The following ZC3H6 variants were observed in gnomAD, a reference collection of about 807,000 sequenced individuals.
ZC3H6 encodes the protein zinc finger CCCH domain-containing protein 6.
Under a neutral mutation model 107.7 loss-of-function variants are expected in ZC3H6, and 40 were observed. That is an observed-to-expected ratio of 0.37 (90% confidence interval 0.29 to 0.48). The LOEUF is 0.48. Ranked by LOEUF, ZC3H6 falls within the 20% of genes least tolerant of loss-of-function variation. The pLI is 0.98. For synonymous variants in ZC3H6, 493 were observed against 487.9 expected (o/e 1.01, Z -0.14); for missense variants, 1,267 against 1,410.4 (o/e 0.90, Z 1.63).
chr2:112,336,298 C>G lies in ZC3H6; in HGVS notation c.*3810C>G, dbSNP rs929190356. The stretch of plus-strand genomic sequence containing the variant: ...GGGTTGGACTGTGTTGAAGGCTGTA[C>G]CTTGGTGGGGGTGGTCTGCAGTCAT... On this transcript the variant is annotated 3_prime_UTR_variant, in exon 12 of 12. Transcript: ENST00000409871. 48 of 152,100 alleles carry G rather than the reference C, an allele frequency of 3.2e-4. No homozygotes were observed. The highest frequency in any genetic ancestry group is 1.1e-3 in the African/African-American group (47 of 41,406). The allele number at this position is 152,100 out of a possible 1,614,324, so 9.4% of individuals were successfully genotyped here.
chr2:112,319,614 C>A (rs1676764108), intron 7 of ZC3H6, among the ~76,000 whole-genome samples: 1 of 151,690 alleles, frequency 6.6e-6, no homozygotes, highest in Non-Finnish European at 1.5e-5. Flanking sequence ...CCACTGCACT[C>A]CAGCCTGAGC....
chr2:112,290,696 A>G (rs1435562928), intron 1 of ZC3H6, among the ~76,000 whole-genome samples: 7 of 151,808 alleles, frequency 4.6e-5, no homozygotes, highest in Admixed American at 1.3e-4. Flanking sequence ...TCTTACATAC[A>G]TATAGTTTTT....
intron 1 of ZC3H6, among the ~76,000 whole-genome samples, chr2:112,299,209 G>A (rs983024550): frequency 3.3e-5 from 5 of 151,598 alleles, no homozygotes; most frequent in Non-Finnish European, 7.4e-5. Context: ...CCCGGGAGGC[G>A]GAGCTTGCAG....
At position 112,284,002 on chromosome 2, in the gene ZC3H6, C is replaced by G. The variant is rs188737354; in HGVS notation, c.32+7976C>G. On this transcript the variant is annotated intron_variant, in intron 1 of 11. Transcript: ENST00000409871. The stretch of plus-strand genomic sequence containing the variant: ...CTAACTTAGATCTGGAAGTTTTTAG[C>G]TGTGGAAAGCAATTCTATTGTGTAC... 9.9e-4 allele frequency among the ~76,000 whole-genome samples: 151 copies of G among 152,316 alleles called. 1 individual carries two copies. Among genetic ancestry groups the G allele is most frequent in the Non-Finnish European group, 1.7e-3 (116 of 68,014 alleles).
At chr2:112,320,987 A>C (rs1324379631) in intron 7 of ZC3H6, among the ~76,000 whole-genome samples, 1 of 152,114 alleles carries the variant, frequency 6.6e-6, no homozygotes, top group Non-Finnish European at 1.5e-5. Flanking sequence ...AATCTAAAAA[A>C]GATTTTGAAT....
chr2:112,306,156 T>G (rs1676473158), intron 3 of ZC3H6, among the ~76,000 whole-genome samples: 1 of 151,274 alleles, frequency 6.6e-6, no homozygotes, highest in Non-Finnish European at 1.5e-5. Context: ...CAAATTTCTA[T>G]ATCTGAAGTC....
intron 7 of ZC3H6, among the ~76,000 whole-genome samples, chr2:112,321,473 G>A (rs1022302409): frequency 3.2e-4 from 49 of 151,772 alleles, no homozygotes; most frequent in Admixed American, 3.0e-3. Flanking sequence ...TTAAAAATAA[G>A]CTGATGTGAT....
intron 1 of ZC3H6, among the ~76,000 whole-genome samples, chr2:112,283,611 T>G (rs1686561726): frequency 6.6e-6 from 1 of 152,226 alleles, no homozygotes; most frequent in African/African-American, 2.4e-5. Flanking sequence ...CATTTGGTAG[T>G]TAGACATATA....
intron 11 of ZC3H6, among the ~76,000 whole-genome samples, chr2:112,329,615 G>A (rs775175434): frequency 1.8e-4 from 27 of 152,174 alleles, no homozygotes; most frequent in Admixed American, 3.3e-4. Flanking sequence ...TGTAAGCACT[G>A]CTTTGTTCAA....
chr2:112,291,524 G>A (rs1231605063), intron 1 of ZC3H6, among the ~76,000 whole-genome samples: 8 of 152,302 alleles, frequency 5.3e-5, no homozygotes, highest in East Asian at 1.9e-4. Flanking sequence ...ATGAGCCACC[G>A]CGCCAGGCCT....
chr2:112,309,929 A>G lies in ZC3H6; in HGVS notation c.381A>G (p.Gln127=). ...GCTACATAACATCAAAGAAGGGTCAACATAACAAAAAATTTAAAAGTAAAG... is the reference window on the plus strand; with the variant it reads ...GCTACATAACATCAAAGAAGGGTCAGCATAACAAAAAATTTAAAAGTAAAG... ...SGSYITSKKG[Q]HNKKFKSKEY... The change falls in exon 4 of 12, where the codon CAA becomes CAG. Residue 127 remains glutamine, a synonymous_variant. Transcript: ENST00000409871. 3.1e-6 allele frequency: 5 copies of G among 1,597,744 alleles called. No individual in the cohort carries two copies. The highest frequency in any genetic ancestry group is 1.1e-5 in the South Asian group (1 of 88,290).
chr2:112,314,905 T>C (rs1676668306), intron 5 of ZC3H6, among the ~76,000 whole-genome samples: 1 of 152,214 alleles, frequency 6.6e-6, no homozygotes, highest in South Asian at 2.1e-4. Flanking sequence ...GGATTATCTG[T>C]TTACTTTGTA....
At chr2:112,324,012 TG>T in intron 9 of ZC3H6, 139 bp from the exon 10 acceptor site, 1 of 882,378 alleles carries the variant, frequency 1.1e-6, no homozygotes, top group South Asian at 2.6e-5. Context: ...ATCGACGCTA[TG>T]GAACAAATTG....
chr2:112,318,416 G>A (rs1676740644), intron 7 of ZC3H6, among the ~76,000 whole-genome samples: 1 of 152,102 alleles, frequency 6.6e-6, no homozygotes, highest in African/African-American at 2.4e-5. Context: ...TTACGAAGAG[G>A]TCATATCCTT....
chr2:112,279,480 A>G (rs1686488677), intron 1 of ZC3H6, among the ~76,000 whole-genome samples: 1 of 151,102 alleles, frequency 6.6e-6, no homozygotes, highest in South Asian at 2.1e-4. Context: ...TGTGAGTCTC[A>G]AAGAGTCTTT....
chr2:112,279,979 A>G (rs929645221), intron 1 of ZC3H6, among the ~76,000 whole-genome samples: 1 of 152,222 alleles, frequency 6.6e-6, no homozygotes, highest in African/African-American at 2.4e-5. Flanking sequence ...GTAATGTGCT[A>G]CATTTGAGAG....
At chr2:112,284,431 T>C (rs1686573805) in intron 1 of ZC3H6, among the ~76,000 whole-genome samples, 2 of 151,512 alleles carry the variant, frequency 1.3e-5, no homozygotes, top group African/African-American at 4.9e-5. Context: ...ATCATCATCA[T>C]AGAGTAAACT....
At chr2:112,289,151 G>A (rs989632386) in intron 1 of ZC3H6, among the ~76,000 whole-genome samples, 2 of 151,126 alleles carry the variant, frequency 1.3e-5, no homozygotes, top group Non-Finnish European at 2.9e-5. Context: ...CTACCTCCCA[G>A]ATTCAAGCGA....
At chr2:112,329,211 GT>G (rs1676973275) in intron 11 of ZC3H6, among the ~76,000 whole-genome samples, 1 of 151,818 alleles carries the variant, frequency 6.6e-6, no homozygotes, top group South Asian at 2.1e-4. Flanking sequence ...TCTAATATCT[GT>G]TTTCCACCAG....
Sources: gnomAD v4.1 joint callset for allele counts (sites outside exome capture counted in the v4.1 genomes callset) on GRCh38, gnomAD v4.1.1 for gene constraint, MANE v1.5 for transcripts, NCBI Gene and HGNC (gene_info 2026-07-23, HGNC 2026-07-21) for gene names.